Variants in CIBAR2 observed in about 807,000 individuals in gnomAD.
CIBAR2 encodes CBY1 interacting BAR domain containing 2.
In CIBAR2, 38 loss-of-function variants were observed where a neutral mutation model predicts 36.2. That is an observed-to-expected ratio of 1.05 (90% CI 0.81 to 1.38). The LOEUF is 1.38. Among genes scored for constraint, CIBAR2 ranks in the 40% most tolerant of loss-of-function variants. CIBAR2 has a pLI of 0.00. For synonymous variants in CIBAR2, 182 were observed against 149.5 expected (o/e 1.22, Z -1.58); for missense variants, 481 against 383.4 (o/e 1.25, Z -2.13).
Position 85,102,817 on chromosome 16 carries a change from GT to G in CIBAR2, c.538-491del, listed in dbSNP as rs1256105351. 7.9e-5 allele frequency among the ~76,000 whole-genome samples: 12 copies of G among 152,104 alleles called. No individual in the cohort carries two copies. In the East Asian group the frequency reaches 2.3e-3, roughly 29 times the overall value. On this transcript the variant is annotated intron_variant, in intron 6 of 8. Coordinates refer to ENST00000539556, the MANE Select transcript of CIBAR2 (RefSeq NM_198491.3). Reference sequence around the variant, plus strand: ...CCGCCTTGTTTCCTTAGATAAGCCAGTATTCTCTTCTCTTCTCCCTTTTTCA... The same window carrying G: ...CCGCCTTGTTTCCTTAGATAAGCCAGATTCTCTTCTCTTCTCCCTTTTTCA...
intron 6 of CIBAR2, 51 bp downstream of exon 6, chr16:85,105,276 A>T (rs1567559669): frequency 9.0e-7 from 1 of 1,112,194 alleles, no homozygotes; most frequent in Non-Finnish European, 1.4e-6. Context: ...GTGCATGCAC[A>T]CACACACAAG....
intron 6 of CIBAR2, among the ~76,000 whole-genome samples, 189 bp downstream of exon 6, chr16:85,105,138 T>C (rs1031744495): frequency 6.6e-6 from 1 of 152,218 alleles, no homozygotes; most frequent in East Asian, 1.9e-4. Context: ...TCTGATGCCC[T>C]GTGGCCAGGA....
At chr16:85,106,967 A>C (rs992029336) in intron 5 of CIBAR2, among the ~76,000 whole-genome samples, 1 of 152,114 alleles carries the variant, frequency 6.6e-6, no homozygotes, top group African/African-American at 2.4e-5. Context: ...CCAACATGGC[A>C]AAACCCCGTC....
chr16:85,100,615 T>C (rs894820678), intron 7 of CIBAR2, among the ~76,000 whole-genome samples: 7 of 152,278 alleles, frequency 4.6e-5, no homozygotes, highest in Admixed American at 3.3e-4. Flanking sequence ...TACTGGTAAC[T>C]CAGATGATCT....
At chr16:85,105,711 G>A (rs75264963) in intron 5 of CIBAR2, among the ~76,000 whole-genome samples, 1 of 152,144 alleles carries the variant, frequency 6.6e-6, no homozygotes, top group Non-Finnish European at 1.5e-5. Context: ...ACAGAAGACA[G>A]TAATGAGACT....
Position 85,099,203 on chromosome 16 carries a change from A to T in CIBAR2, c.897T>A (p.Leu299=), listed in dbSNP as rs766058536. 2 of 1,595,164 alleles carry T rather than the reference A, an allele frequency of 1.3e-6. No homozygotes were observed. The highest frequency in any genetic ancestry group is 1.7e-6 in the Non-Finnish European group (2 of 1,171,726). The change falls in exon 9 of 9, where the codon CTT becomes CTA. Residue 299 remains leucine (L), a synonymous_variant. Coordinates refer to ENST00000539556, the MANE Select transcript of CIBAR2 (RefSeq NM_198491.3). ...CVCGQGGHLM[L]PGHSL ...TACGTCGTTAGAGAGAATGTCCTGGAAGCATGAGATGCCCACCCTGCCCAC... is the reference window on the plus strand; with the variant it reads ...TACGTCGTTAGAGAGAATGTCCTGGTAGCATGAGATGCCCACCCTGCCCAC...
At position 85,112,344 on chromosome 16, in the gene CIBAR2, G is replaced by T. The variant is rs202092569; in HGVS notation, c.9C>A (p.Ile3=). The T allele has an allele frequency of 6.2e-7, 1 of 1,613,876 alleles. No individual in the cohort carries two copies. The highest frequency in any genetic ancestry group is 8.5e-7 in the Non-Finnish European group (1 of 1,179,944). The change falls in exon 1 of 9, where the codon ATC becomes ATA. Residue 3 remains isoleucine (I), a synonymous_variant. Coordinates refer to ENST00000539556, the MANE Select transcript of CIBAR2 (RefSeq NM_198491.3). ...GCTGGCCCACTCACCTGGAGAAGAC[G>T]ATGTTCATTGTGACCAGAGCTTTGG... MN[I]VFSRDSQVRV...
intron 7 of CIBAR2, 65 bp from the exon 8 acceptor site, chr16:85,100,305 G>T: frequency 9.5e-7 from 1 of 1,049,086 alleles, no homozygotes; most frequent in Non-Finnish European, 1.4e-6. Flanking sequence ...TGGGGGAGTG[G>T]GATGGAAAGA....
chr16:85,107,498 TCCAGA>T (rs2074005457), intron 5 of CIBAR2, among the ~76,000 whole-genome samples, 164 bp downstream of exon 5: 1 of 152,178 alleles, frequency 6.6e-6, no homozygotes, highest in African/African-American at 2.4e-5. Context: ...AGCCCAGGTC[TCCAGA>T]CCCCCAGAGC....
rs562336116 is a variant in CIBAR2, at chr16:85,107,811, C to T, written c.426+35G>A. 16 of 1,578,882 alleles carry T rather than the reference C, an allele frequency of 1.0e-5. No homozygotes were observed. The African/African-American group carries it at 1.1e-4, about 11-fold the overall frequency. ...ATCAGTGTGAGTGGACACCCTGGCCCGGCAGCCCCAGGCCCCACTTCCAGG... is the reference window on the plus strand; with the variant it reads ...ATCAGTGTGAGTGGACACCCTGGCCTGGCAGCCCCAGGCCCCACTTCCAGG... On this transcript the variant is annotated intron_variant, in intron 4 of 8. Coordinates refer to ENST00000539556, the MANE Select transcript of CIBAR2 (RefSeq NM_198491.3).
At chr16:85,108,816 A>G (rs9931416) in intron 2 of CIBAR2, among the ~76,000 whole-genome samples, 25,142 of 152,196 alleles carry the variant, frequency 0.17, 2,241 homozygotes, top group African/African-American at 0.23. Context: ...TGGAGGTTGC[A>G]GTGAGCTGAG....
At chr16:85,111,868 A>G (rs915628358) in intron 1 of CIBAR2, among the ~76,000 whole-genome samples, 1 of 152,116 alleles carries the variant, frequency 6.6e-6, no homozygotes, top group African/African-American at 2.4e-5. Flanking sequence ...AAAAGATAAA[A>G]ACACATTGGT....
At chr16:85,110,954 C>T (rs1416040053) in intron 1 of CIBAR2, among the ~76,000 whole-genome samples, 3 of 152,084 alleles carry the variant, frequency 2.0e-5, no homozygotes, top group East Asian at 3.9e-4. Context: ...ATCTGCCTGC[C>T]TTGGCCTCCC....
intron 6 of CIBAR2, 138 bp from the exon 7 acceptor site, chr16:85,102,465 G>C: frequency 1.6e-6 from 1 of 619,634 alleles, no homozygotes; most frequent in African/African-American, 1.8e-5. Flanking sequence ...GTTTCGACAT[G>C]TTATTTTAAA....
At chr16:85,107,529 C>T (rs1471040181) in intron 5 of CIBAR2, 138 bp downstream of exon 5, 8 of 887,792 alleles carry the variant, frequency 9.0e-6, no homozygotes, top group Admixed American at 1.8e-5. Context: ...TTTACTGGTA[C>T]CTTTGGCTTT....
At chr16:85,102,432 T>G (rs879119596) in intron 6 of CIBAR2, 105 bp from the exon 7 acceptor site, 3 of 719,610 alleles carry the variant, frequency 4.2e-6, no homozygotes, top group Non-Finnish European at 7.5e-6. Context: ...GCTGTCCGTG[T>G]GGGGACAGGC....
At position 85,098,749 on chromosome 16, in the gene CIBAR2, G is replaced by T; in HGVS notation, c.*436C>A. 1.7e-6 allele frequency: 1 copy of T among 581,684 alleles called. No homozygotes were observed. The highest frequency in any genetic ancestry group is 2.0e-5 in the African/African-American group (1 of 49,358). The allele number at this position is 581,684 out of a possible 1,614,324, so 36.0% of individuals were successfully genotyped here. A position where few individuals can be genotyped will look rare whatever the true frequency, so the allele number is the denominator to read the frequency against. On this transcript the variant is annotated 3_prime_UTR_variant, in exon 9 of 9. Transcript: ENST00000539556. ...ATAATGGCAGCAACAAGTCTCAAGT[G>T]TTTGTTGCGCAACAGGCCGGGTTTT...
chr16:85,103,956 G>A (rs940763871), intron 6 of CIBAR2, among the ~76,000 whole-genome samples: 8 of 152,240 alleles, frequency 5.3e-5, no homozygotes, highest in African/African-American at 1.2e-4. Context: ...TGTCAACTCC[G>A]TGAGCTCAGG....
rs2073930076 is a variant in CIBAR2 at position 85,098,721 on chromosome 16, A to G, written c.*464T>C. The stretch of plus-strand genomic sequence containing the variant: ...TAATAAAACGACAGCAACATCAGTA[A>G]TGATAATGGCAGCAACAAGTCTCAA... On this transcript the variant is annotated 3_prime_UTR_variant, in exon 9 of 9. Coordinates refer to ENST00000539556, the MANE Select transcript of CIBAR2 (RefSeq NM_198491.3). 5.2e-6 allele frequency: 4 copies of G among 762,188 alleles called. No individual in the cohort carries two copies. The highest frequency in any genetic ancestry group is 6.4e-6 in the Non-Finnish European group (4 of 625,898). 47.2% of individuals were successfully genotyped at this position (762,188 alleles called of 1,614,324 possible). A position where few individuals can be genotyped will look rare whatever the true frequency, so the allele number is the denominator to read the frequency against.
Sources: gnomAD v4.1 joint callset for allele counts (sites outside exome capture counted in the v4.1 genomes callset) on GRCh38, gnomAD v4.1.1 for gene constraint, MANE v1.5 for transcripts, NCBI Gene and HGNC (gene_info 2026-07-23, HGNC 2026-07-21) for gene names.